The following ABCC10 variants were observed in gnomAD, a reference collection of about 807,000 sequenced individuals.
ABCC10 encodes ATP binding cassette subfamily C member 10, also known as ATP-binding cassette sub-family C member 10.
A neutral mutation model predicts 143.2 loss-of-function variants in ABCC10; 110 were observed. That is an observed-to-expected ratio of 0.77 (90% confidence interval 0.66 to 0.90). ABCC10 has a LOEUF of 0.90. ABCC10 is among the 40% of genes least tolerant of loss of function. The pLI is 0.00. For synonymous variants in ABCC10, 805 were observed against 846.7 expected (o/e 0.95, Z 0.85); for missense variants, 1,700 against 1,900.5 (o/e 0.89, Z 1.96).
intron 6 of ABCC10, among the ~76,000 whole-genome samples, chr6:43,437,433 CAAAAAAAAAAAAA>C (rs57827467): frequency 8.1e-4 from 83 of 102,388 alleles, no homozygotes; most frequent in Admixed American, 4.4e-3. Flanking sequence ...AACATATGAC[CAAAAAAAAAAAAA>C]AAAAAAAAAA....
chr6:43,428,270 C>A, intron 2 of ABCC10, 131 bp downstream of exon 2: 1 of 1,096,854 alleles, frequency 9.1e-7, no homozygotes, highest in Non-Finnish European at 1.3e-6. Flanking sequence ...AAAATCTAAG[C>A]ATTGCTACTT....
In ABCC10 at chr6:43,436,151, G is replaced by A. The variant is rs756249821; in HGVS notation, c.1779G>A (p.Glu593=). The change falls in exon 6 of 22, where the codon GAG becomes GAA. Residue 593 remains glutamate (E), a synonymous_variant. Transcript: ENST00000372530. ...TTCTCTGTTCAGATCCCCCTGCAGA[G>A]CCATCTACAGTATTGGAGCTGCATG... ...QAYYSPDPPA[E]PSTVLELHGA... 6.2e-7 allele frequency: 1 copy of A among 1,614,212 alleles called. No individual in the cohort carries two copies. Among genetic ancestry groups the A allele is most frequent in the Admixed American group, 1.7e-5 (1 of 60,030 alleles).
chr6:43,438,419 C>T (rs1781979998), intron 7 of ABCC10: 3 of 1,427,436 alleles, frequency 2.1e-6, no homozygotes, highest in Non-Finnish European at 2.7e-6. Context: ...TGGCTGTAGC[C>T]AAAGAGCTAT....
Position 43,445,701 on chromosome 6 carries a change from A to G in ABCC10, c.3133A>G (p.Ile1045Val), listed in dbSNP as rs753186295. ...TGACAGCCTGCCCTTCATCCTCAAC[A>G]TCCTCCTGGCCAACGCGGCAGGCCT... ...ADDSLPFILNILLANAAGLLG... is the reference protein window; with the variant it reads ...ADDSLPFILNVLLANAAGLLG... The change falls in exon 15 of 22, where the codon ATC (isoleucine) becomes GTC (valine). Residue 1045 changes from isoleucine (I) to valine (V), a missense_variant. Transcript: ENST00000372530. 9 of 1,614,030 alleles carry G rather than the reference A, an allele frequency of 5.6e-6. No individual in the cohort carries two copies. The Admixed American group carries it at 1.5e-4, about 27-fold the overall frequency.
downstream of ABCC10, chr6:43,451,061 G>A (rs377687739): frequency 3.7e-6 from 6 of 1,614,116 alleles, no homozygotes; most frequent in African/African-American, 5.3e-5. This position sits in a 1 kb window ranked among gnomAD's most constrained non-coding sequence, Gnocchi z 4.4. Context: ...CCAGGTTGAT[G>A]GTGCAGAAGC....
chr6:43,449,081 C>G (rs373828019), intron 19 of ABCC10, 26 bp from the exon 20 acceptor site: 2 of 1,614,042 alleles, frequency 1.2e-6, no homozygotes, highest in East Asian at 4.5e-5. Flanking sequence ...GGCCTGGGCC[C>G]TGCAACGAAG....
chr6:43,446,049 C>T (rs1783036368), intron 15 of ABCC10, 107 bp downstream of exon 15: 1 of 1,306,932 alleles, frequency 7.7e-7, no homozygotes, highest in Non-Finnish European at 1.0e-6. Context: ...CTCCTGGGGA[C>T]AAGGGATGGG....
At chr6:43,433,592 ATAG>A (rs1458497572) in intron 3 of ABCC10, among the ~76,000 whole-genome samples, 3 of 152,330 alleles carry the variant, frequency 2.0e-5, no homozygotes, top group South Asian at 2.1e-4. Flanking sequence ...TAAAGTGAGA[ATAG>A]TAGTAGCTTA....
chr6:43,439,495 C>T lies in ABCC10; in HGVS notation c.2127+700C>T, dbSNP rs572468198. 5.3e-5 allele frequency among the ~76,000 whole-genome samples: 8 copies of T among 152,044 alleles called. No individual in the cohort carries two copies. The South Asian group carries it at 6.2e-4, about 12-fold the overall frequency. On this transcript the variant is annotated intron_variant, in intron 8 of 21. Coordinates refer to ENST00000372530, the MANE Select transcript of ABCC10 (RefSeq NM_001198934.2). Reference sequence around the variant, plus strand: ...TTGGCTCACTGCAGCCTCTGCCTCCCGGGCTCAAATGATCCTCCCACCTCA... The same window carrying T: ...TTGGCTCACTGCAGCCTCTGCCTCCTGGGCTCAAATGATCCTCCCACCTCA...
Position 43,449,915 on chromosome 6 carries a change from C to A in ABCC10, c.4317-14C>A. 1 of 1,613,920 alleles carries A rather than the reference C, an allele frequency of 6.2e-7. No individual in the cohort carries two copies. The highest frequency in any genetic ancestry group is 8.5e-7 in the Non-Finnish European group (1 of 1,179,952). On this transcript the variant is annotated splice_polypyrimidine_tract_variant and intron_variant, in intron 21 of 21. Coordinates refer to ENST00000372530, the MANE Select transcript of ABCC10 (RefSeq NM_001198934.2). Reference sequence around the variant, plus strand: ...GTCCCTCATCCCCTACACTGACCATCTTCCCCCTCACAGGCTCAACACGAT... The same window carrying A: ...GTCCCTCATCCCCTACACTGACCATATTCCCCCTCACAGGCTCAACACGAT...
intron 8 of ABCC10, 127 bp downstream of exon 8, chr6:43,438,922 C>A: frequency 8.5e-7 from 1 of 1,173,380 alleles, no homozygotes; most frequent in Non-Finnish European, 1.2e-6. Flanking sequence ...TAGGAATGGC[C>A]ATCGGACTGT....
chr6:43,448,802 A>C, intron 18 of ABCC10, 79 bp from the exon 19 acceptor site: 1 of 1,510,202 alleles, frequency 6.6e-7, no homozygotes, highest in Non-Finnish European at 8.9e-7. Context: ...TGGAGGTGCT[A>C]GCCCTGTAGT....
At position 43,445,766 on chromosome 6, in the gene ABCC10, GC is replaced by G; in HGVS notation, c.3199del (p.Leu1067CysfsTer8). 6.2e-7 allele frequency: 1 copy of G among 1,614,128 alleles called. No individual in the cohort carries two copies. The highest frequency in any genetic ancestry group is 2.2e-5 in the East Asian group (1 of 44,884). On this transcript the variant is annotated frameshift_variant, in exon 15 of 22. Transcript: ENST00000372530. LOFTEE classifies it high-confidence loss of function. ...CCGTGCTGGGCTCTGGCCTGCCCTGGCTGCTGCTCCTGCTGCCGCCTTTGAG... is the reference window on the plus strand; with the variant it reads ...CCGTGCTGGGCTCTGGCCTGCCCTGGTGCTGCTCCTGCTGCCGCCTTTGAG... ...LAVLGSGLPWLLLLLPPLSIM... is the reference protein window; with the variant it reads ...LAVLGSGLPWXLLLLPPLSIM...
At position 43,432,284 on chromosome 6, in the gene ABCC10, G is replaced by A; in HGVS notation, c.304G>A (p.Val102Met). 1.2e-6 allele frequency: 2 copies of A among 1,614,240 alleles called. No homozygotes were observed. Among genetic ancestry groups the A allele is most frequent in the Non-Finnish European group, 1.7e-6 (2 of 1,180,040 alleles). The change falls in exon 3 of 22, where the codon GTG becomes ATG. Residue 102 changes from valine (V) to methionine (M), a missense_variant. Transcript: ENST00000372530. ...AGGCCCAGGACCCATAGGGCTAGAG[G>A]TGTTGGCAGGGTGCGTGGCAGCTGT... ...GAGPGPIGLE[V>M]LAGCVAAVAW... is the part of the protein sequence containing the mutation.
intron 8 of ABCC10, among the ~76,000 whole-genome samples, chr6:43,439,121 G>A (rs1425459713): frequency 1.3e-5 from 2 of 152,110 alleles, no homozygotes; most frequent in African/African-American, 2.4e-5. Flanking sequence ...GGGAAGGCTT[G>A]GAAGAGTCAA....
Position 43,436,939 on chromosome 6 carries a change from G to A in ABCC10, c.1875+692G>A, listed in dbSNP as rs578105404. Reference sequence around the variant, plus strand: ...ACAAAGGAATTTTGCTAATGTGTTAGTTGGGGCTTTTTTGGGTATAAGTTA... The same window carrying A: ...ACAAAGGAATTTTGCTAATGTGTTAATTGGGGCTTTTTTGGGTATAAGTTA... On this transcript the variant is annotated intron_variant, in intron 6 of 21. Coordinates refer to ENST00000372530, the MANE Select transcript of ABCC10 (RefSeq NM_001198934.2). 2.6e-5 allele frequency among the ~76,000 whole-genome samples: 4 copies of A among 152,338 alleles called. No individual in the cohort carries two copies. The South Asian group carries it at 6.2e-4, about 24-fold the overall frequency.
In ABCC10 at chr6:43,433,040, C is replaced by G. The variant is rs1366968971; in HGVS notation, c.1060C>G (p.Gln354Glu). The G allele has an allele frequency of 9.9e-6, 16 of 1,614,074 alleles. No homozygotes were observed. The highest frequency in any genetic ancestry group is 1.3e-5 in the Non-Finnish European group (15 of 1,180,030). ...GTATGAGGTATATAAGGTAACACTT[C>G]AGGCACGGGGGGCTGTGCTGAACAT... ...YGYEVYKVTL[Q>E]ARGAVLNILY... is the part of the protein sequence containing the mutation. Residue 354 changes from glutamine (Q) to glutamate (E), a missense_variant, in exon 3 of 22, where the codon CAG becomes GAG. Coordinates refer to ENST00000372530, the MANE Select transcript of ABCC10 (RefSeq NM_001198934.2).
Position 43,444,710 on chromosome 6 carries a change from C to T in ABCC10, c.2690-78C>T, listed in dbSNP as rs143431213. 7,287 of 1,504,478 alleles carry T rather than the reference C, an allele frequency of 4.8e-3. 21 individuals carry two copies. The highest frequency in any genetic ancestry group is 5.5e-3 in the Middle Eastern group (28 of 5,046). 93.2% of individuals were successfully genotyped at this position (1,504,478 alleles called of 1,614,324 possible). ...GATGGGCAGGAACCAGAGGCAAGGG[C>T]GGAGAAAGGGGGCATTGGAATAGAA... On this transcript the variant is annotated intron_variant, in intron 12 of 21. Coordinates refer to ENST00000372530, the MANE Select transcript of ABCC10 (RefSeq NM_001198934.2).
At chr6:43,435,170 C>G (rs1430292728) in intron 4 of ABCC10, 1 of 248,512 alleles carries the variant, frequency 4.0e-6, no homozygotes, top group African/African-American at 2.2e-5. Flanking sequence ...CTAGCCAAGG[C>G]CAGGTGATGT....
Sources: allele counts gnomAD v4.1 joint callset (sites outside exome capture counted in the v4.1 genomes callset), GRCh38; gene constraint gnomAD v4.1.1; non-coding constraint Gnocchi (gnomAD v3.1); transcripts MANE v1.5; gene names NCBI Gene and HGNC (gene_info 2026-07-23, HGNC 2026-07-21).